The following MCC variants were observed in gnomAD, a reference collection of about 807,000 sequenced individuals.
The protein encoded by MCC is MCC regulator of Wnt signaling pathway.
In MCC, 90 loss-of-function variants were observed where a neutral mutation model predicts 116.2. That is an observed-to-expected ratio of 0.77 (90% confidence interval 0.65 to 0.92). MCC has a LOEUF of 0.92. Ranked by LOEUF, MCC falls within the 40% of genes least tolerant of loss-of-function variation. The pLI is 0.00. For missense variants in MCC, 1,516 were observed against 1,312.2 expected (o/e 1.16, Z -2.40); for synonymous variants, 578 against 510.5 (o/e 1.13, Z -1.78).
intron 5 of MCC, among the ~76,000 whole-genome samples, chr5:113,123,791 G>C (rs73239115): frequency 0.096 from 14,675 of 152,208 alleles, 1,049 homozygotes; most frequent in African/African-American, 0.2. Context: ...ATTTAACTGG[G>C]AGTGGAATGC....
At chr5:113,442,930 C>T (rs1037662527) in intron 1 of MCC, among the ~76,000 whole-genome samples, 5 of 152,082 alleles carry the variant, frequency 3.3e-5, no homozygotes, top group South Asian at 2.1e-4. Context: ...AGTCAGGTAG[C>T]GTGATGCCTC....
chr5:113,443,324 T>C (rs1167383538), intron 1 of MCC, among the ~76,000 whole-genome samples: 1 of 152,198 alleles, frequency 6.6e-6, no homozygotes, highest in Non-Finnish European at 1.5e-5. Flanking sequence ...ATAGAAATGC[T>C]CGCGATTTTT....
At chr5:113,170,354 A>G (rs1409260629) in intron 3 of MCC, among the ~76,000 whole-genome samples, 1 of 152,180 alleles carries the variant, frequency 6.6e-6, no homozygotes, top group African/African-American at 2.4e-5. Context: ...AGAATTGGGC[A>G]ATATACCATA....
intron 3 of MCC, among the ~76,000 whole-genome samples, chr5:113,222,131 T>C (rs1020406680): frequency 1.3e-5 from 2 of 152,246 alleles, no homozygotes; most frequent in Admixed American, 6.5e-5. Context: ...TTTTAAATCA[T>C]GAATGCATGT....
chr5:113,043,521 GGT>G lies in MCC; in HGVS notation c.2756+7_2756+8del. The G allele has an allele frequency of 6.2e-7, 1 of 1,612,508 alleles. No homozygotes were observed. The highest frequency in any genetic ancestry group is 1.1e-5 in the South Asian group (1 of 90,816). On this transcript the variant is annotated splice_region_variant and intron_variant, in intron 17 of 18. Coordinates refer to ENST00000408903, the MANE Select transcript of MCC (RefSeq NM_001085377.2). ...TAAACACCAGCTGGGGTGGGGAAAGGGTGCTTACCGACGAATGGCGTTGGTGA... is the reference window on the plus strand; with the variant it reads ...TAAACACCAGCTGGGGTGGGGAAAGGGCTTACCGACGAATGGCGTTGGTGA...
In MCC at chr5:113,024,629, A is replaced by C. The variant is rs1472606035; in HGVS notation, c.*2673T>G. The C allele has an allele frequency of 6.6e-6, 1 of 152,218 alleles. No homozygotes were observed. Among genetic ancestry groups the C allele is most frequent in the African/African-American group, 2.4e-5 (1 of 41,450 alleles). The allele number at this position is 152,218 out of a possible 1,614,324, so 9.4% of individuals were successfully genotyped here. A position where few individuals can be genotyped will look rare whatever the true frequency, so the allele number is the denominator to read the frequency against. ...ATCTGAAGGTTTTTAACCTCATATA[A>C]ATTAGAATCAAGATCATTGTTTACC... On this transcript the variant is annotated 3_prime_UTR_variant, in exon 19 of 19. Transcript: ENST00000408903.
rs1404922475 is a variant in MCC at position 113,085,295 on chromosome 5, T to C, written c.1414A>G (p.Thr472Ala). The C allele has an allele frequency of 1.9e-6, 3 of 1,612,394 alleles. No individual in the cohort carries two copies. The South Asian group carries it at 3.3e-5, about 18-fold the overall frequency. The change falls in exon 9 of 19, where the codon ACT becomes GCT. Residue 472 changes from threonine (T) to alanine (A), a missense_variant. Coordinates refer to ENST00000408903, the MANE Select transcript of MCC (RefSeq NM_001085377.2). Reference protein sequence around the residue: ...RLRRRVRELQTRLQSVQATGP... With the variant: ...RLRRRVRELQARLQSVQATGP... ...GTGGCCTGCACGCTCTGTAGTCGAGTTTGAAGCTCTCTGACCTGAAATCAT... is the reference window on the plus strand; with the variant it reads ...GTGGCCTGCACGCTCTGTAGTCGAGCTTGAAGCTCTCTGACCTGAAATCAT...
chr5:113,075,973 A>G (rs1754423152), intron 11 of MCC, among the ~76,000 whole-genome samples: 1 of 152,188 alleles, frequency 6.6e-6, no homozygotes, highest in South Asian at 2.1e-4. Context: ...CTGCAGCTTC[A>G]GTCTTGAAGC....
At chr5:113,076,445 G>A (rs1020638951) in intron 11 of MCC, among the ~76,000 whole-genome samples, 3 of 152,222 alleles carry the variant, frequency 2.0e-5, no homozygotes, top group Non-Finnish European at 4.4e-5. Context: ...AAGCCCATCA[G>A]AGTAGTAGCT....
At chr5:113,480,890 T>G (rs946584136) in intron 1 of MCC, among the ~76,000 whole-genome samples, 1 of 152,140 alleles carries the variant, frequency 6.6e-6, no homozygotes, top group East Asian at 1.9e-4. Context: ...TCCTCCCTCC[T>G]CAGCCTCCTG....
At chr5:113,459,519 C>T (rs374561392) in intron 1 of MCC, among the ~76,000 whole-genome samples, 4 of 151,976 alleles carry the variant, frequency 2.6e-5, no homozygotes, top group African/African-American at 9.7e-5. Flanking sequence ...GCTTGGGCAA[C>T]AGAGTGAGAC....
intron 5 of MCC, among the ~76,000 whole-genome samples, chr5:113,137,953 ATT>A (rs1758937232): frequency 2.9e-5 from 1 of 34,988 alleles, no homozygotes; most frequent in Non-Finnish European, 1.1e-4. Flanking sequence ...TCTTGGCTAC[ATT>A]ACCCTGTAGC....
intron 3 of MCC, among the ~76,000 whole-genome samples, chr5:113,336,183 A>G (rs1251123524): frequency 1.3e-5 from 2 of 151,606 alleles, no homozygotes; most frequent in African/African-American, 2.4e-5. Flanking sequence ...TGGAGCCATC[A>G]TGGCCTAATC....
intron 2 of MCC, among the ~76,000 whole-genome samples, chr5:113,359,828 C>T (rs113745207): frequency 2.2e-5 from 3 of 139,490 alleles, no homozygotes; most frequent in East Asian, 2.1e-4. Flanking sequence ...GGTCCTTTAG[C>T]CCCTGAAGCG....
chr5:113,372,493 TAGA>T (rs936469160), intron 2 of MCC, among the ~76,000 whole-genome samples: 4 of 152,222 alleles, frequency 2.6e-5, no homozygotes, highest in African/African-American at 9.7e-5. Flanking sequence ...CATGTTTTCT[TAGA>T]AGTTTAAAAA....
In MCC at chr5:113,385,016, G is replaced by C. The variant is rs1335753097; in HGVS notation, c.367C>G (p.Leu123Val). ...GGCCAGGAAGCAATTCTATCCCTCA[G>C]CTTCTTTGTACAGGAGTTGTCTGAC... Reference protein sequence around the residue: ...AKSDNSCTKKLRDRIASWPTS... With the variant: ...AKSDNSCTKKVRDRIASWPTS... Residue 123 changes from leucine to valine, a missense_variant, in exon 2 of 19, where the codon CTG becomes GTG. By Grantham distance (32) the Leu-to-Val change is conservative (BLOSUM62 1). Transcript: ENST00000408903. 2 of 1,614,092 alleles carry C rather than the reference G, an allele frequency of 1.2e-6. No homozygotes were observed. Among genetic ancestry groups the C allele is most frequent in the Non-Finnish European group, 1.7e-6 (2 of 1,180,046 alleles).
In MCC at chr5:113,025,188, A is replaced by T. The variant is rs1342762652; in HGVS notation, c.*2114T>A. On this transcript the variant is annotated 3_prime_UTR_variant, in exon 19 of 19. Coordinates refer to ENST00000408903, the MANE Select transcript of MCC (RefSeq NM_001085377.2). ...CACAAAAAAGAGCCATGCACATCCCACTTTGCTCAGGGGAGGACGTTTCCC... is the reference window on the plus strand; with the variant it reads ...CACAAAAAAGAGCCATGCACATCCCTCTTTGCTCAGGGGAGGACGTTTCCC... 6.6e-6 allele frequency: 1 copy of T among 151,730 alleles called. No individual in the cohort carries two copies. Among genetic ancestry groups the T allele is most frequent in the East Asian group, 1.9e-4 (1 of 5,176 alleles). 9.4% of individuals were successfully genotyped at this position (151,730 alleles called of 1,614,324 possible). A position where few individuals can be genotyped will look rare whatever the true frequency, so the allele number is the denominator to read the frequency against.
intron 13 of MCC, among the ~76,000 whole-genome samples, chr5:113,067,249 C>G (rs538952539): frequency 6.6e-6 from 1 of 152,110 alleles, no homozygotes; most frequent in Non-Finnish European, 1.5e-5. Context: ...CACAGGAAAG[C>G]GAGGTGGGCG....
At position 113,434,217 on chromosome 5, in the gene MCC, A is replaced by T; in HGVS notation, c.171-49005T>A. The T allele has an allele frequency of 6.2e-7, 1 of 1,614,036 alleles. No homozygotes were observed. Among genetic ancestry groups the T allele is most frequent in the Non-Finnish European group, 8.5e-7 (1 of 1,179,954 alleles). Reference sequence around the variant, plus strand: ...GTAGGGCATGGAGCCGCAGACCATGATGTAGAGGATCACGCCTAGGCTCCA... The same window carrying T: ...GTAGGGCATGGAGCCGCAGACCATGTTGTAGAGGATCACGCCTAGGCTCCA... On this transcript the variant is annotated intron_variant, in intron 1 of 18. Coordinates refer to ENST00000408903, the MANE Select transcript of MCC (RefSeq NM_001085377.2). This position sits in a 1 kb window ranked among gnomAD's most constrained non-coding sequence, Gnocchi z 4.2.
Sources: allele counts gnomAD v4.1 joint callset (sites outside exome capture counted in the v4.1 genomes callset), GRCh38; gene constraint gnomAD v4.1.1; non-coding constraint Gnocchi (gnomAD v3.1); transcripts MANE v1.5; gene names NCBI Gene and HGNC (gene_info 2026-07-23, HGNC 2026-07-21).